The following NCOA2 variants were observed in gnomAD, a reference collection of about 807,000 sequenced individuals.
NCOA2 encodes nuclear receptor coactivator 2.
NCOA2 carries 21 observed loss-of-function variants against 145.1 expected under a neutral mutation model. That is an observed-to-expected ratio of 0.14 (90% confidence interval 0.10 to 0.21). The LOEUF is 0.21. Ranked by LOEUF, NCOA2 falls within the 10% of genes least tolerant of loss-of-function variation. NCOA2 has a pLI of 1.00. For missense variants in NCOA2, 1,472 were observed against 1,837.6 expected (o/e 0.80, Z 3.64); for synonymous variants, 619 against 637.5 (o/e 0.97, Z 0.44).
chr8:70,347,512 T>C (rs544944239), intron 1 of NCOA2, among the ~76,000 whole-genome samples: 2 of 150,148 alleles, frequency 1.3e-5, no homozygotes, highest in South Asian at 4.2e-4. Flanking sequence ...AAAAATGAGC[T>C]GGGCATGGTG....
At chr8:70,151,842 C>G (rs1811789606) in intron 11 of NCOA2, among the ~76,000 whole-genome samples, 1 of 152,100 alleles carries the variant, frequency 6.6e-6, no homozygotes, top group African/African-American at 2.4e-5. Context: ...AGATAAAGTT[C>G]AGAATATCTA....
At chr8:70,406,329 G>A (rs1291722067), upstream of NCOA2, among the ~76,000 whole-genome samples, 1 of 152,016 alleles carries the variant, frequency 6.6e-6, no homozygotes, top group Non-Finnish European at 1.5e-5. Context: ...TGAGACCTCA[G>A]AACAATTGTT....
chr8:70,273,817 A>T, intron 2 of NCOA2: 1 of 570,332 alleles, frequency 1.8e-6, no homozygotes, highest in Non-Finnish European at 3.4e-6. Flanking sequence ...AATTTGGATG[A>T]GGCTTCCAAG....
At chr8:70,427,024 A>G in the NCOA2 span, among the ~76,000 whole-genome samples, 17 of 152,154 alleles carry the variant, frequency 1.1e-4, no homozygotes, top group African/African-American at 3.9e-4. Flanking sequence ...GGCTCAAGTG[A>G]TCCTCCAACC....
rs763605157 is a variant in NCOA2, at chr8:70,138,293, T to G, written c.3068A>C (p.Tyr1023Ser). The change falls in exon 15 of 23, where the codon TAT becomes TCT. Residue 1023 changes from tyrosine to serine, a missense_variant. Tyr to Ser is a moderately radical substitution (Grantham distance 144). Coordinates refer to ENST00000452400, the MANE Select transcript of NCOA2 (RefSeq NM_006540.4). ...ATTTGGAGGAGCTTGTTGTTGGCTA[T>G]ACTGAGGTCCCCCCATGTTCATCTC... ...ELEMNMGGPQ[Y>S]SQQQAPPNQT... 1.2e-6 allele frequency: 2 copies of G among 1,613,432 alleles called. No individual in the cohort carries two copies. The highest frequency in any genetic ancestry group is 1.1e-5 in the South Asian group (1 of 90,934).
intron 1 of NCOA2, among the ~76,000 whole-genome samples, chr8:70,383,497 TTTTTTG>T (rs767899550): frequency 1.2e-4 from 18 of 152,058 alleles, no homozygotes; most frequent in South Asian, 6.2e-4. Context: ...CATCCTAGTT[TTTTTTG>T]TTTTTGTTTT....
At chr8:70,273,317 A>C in intron 2 of NCOA2, 1 of 292,162 alleles carries the variant, frequency 3.4e-6, no homozygotes, top group South Asian at 5.9e-5. Flanking sequence ...GGTTCCCCCG[A>C]GACCCCCTGA....
intron 2 of NCOA2, among the ~76,000 whole-genome samples, chr8:70,250,436 G>A (rs1008653967): frequency 2.0e-5 from 3 of 150,302 alleles, no homozygotes; most frequent in Non-Finnish European, 4.4e-5. Context: ...GCCGAGCGTG[G>A]TGGCACGCCT....
At position 70,403,688 on chromosome 8, in the gene NCOA2, A is replaced by G. The variant is rs2131884549; in HGVS notation, c.-77+12T>C. 1 of 387,714 alleles carries G rather than the reference A, an allele frequency of 2.6e-6. No individual in the cohort carries two copies. The highest frequency in any genetic ancestry group is 3.6e-5 in the East Asian group (1 of 27,432). The allele number at this position is 387,714 out of a possible 1,614,324, so 24.0% of individuals were successfully genotyped here. A position where few individuals can be genotyped will look rare whatever the true frequency, so the allele number is the denominator to read the frequency against. ...CGCCCGCCCTCGCGGCCCCGGGGGA[A>G]GGCGCGGTTACCGGCTCGGGTCGGT... is the stretch of plus-strand genomic sequence containing the variant. On this transcript the variant is annotated intron_variant, in intron 1 of 22. Coordinates refer to ENST00000452400, the MANE Select transcript of NCOA2 (RefSeq NM_006540.4).
intron 7 of NCOA2, among the ~76,000 whole-genome samples, chr8:70,166,124 CTG>C (rs1317573539): frequency 6.6e-6 from 1 of 152,168 alleles, no homozygotes; most frequent in Non-Finnish European, 1.5e-5. Context: ...GCCAGGAAAA[CTG>C]TGCATTTTTC....
At chr8:70,320,761 TG>T (rs1805984009) in intron 1 of NCOA2, among the ~76,000 whole-genome samples, 2 of 152,196 alleles carry the variant, frequency 1.3e-5, no homozygotes, top group Admixed American at 1.3e-4. Flanking sequence ...GGAGGAGTAT[TG>T]ATCTGCTCTT....
chr8:70,285,500 C>G (rs1017212118), intron 2 of NCOA2, among the ~76,000 whole-genome samples: 4 of 152,362 alleles, frequency 2.6e-5, no homozygotes, highest in Admixed American at 1.3e-4. Context: ...CAGGTTGTAG[C>G]CTTCATAGCA....
the NCOA2 span, among the ~76,000 whole-genome samples, chr8:70,417,245 T>TAAAAAAAAAAAAAAAAAAAAAAAAAAAAA: frequency 9.0e-5 from 7 of 77,990 alleles, no homozygotes; most frequent in Middle Eastern, 6.3e-3. Context: ...TCGTCTCTAT[T>TAAAAAAAAAAAAAAAAAAAAAAAAAAAAA]AAAAAAAAAA....
chr8:70,343,671 A>T (rs1808343170), intron 1 of NCOA2, among the ~76,000 whole-genome samples: 1 of 151,970 alleles, frequency 6.6e-6, no homozygotes, highest in Non-Finnish European at 1.5e-5. Flanking sequence ...AAAATTAGCC[A>T]GGCATGGTGG....
At chr8:70,405,992 G>A (rs1020230384), upstream of NCOA2, among the ~76,000 whole-genome samples, 7 of 152,142 alleles carry the variant, frequency 4.6e-5, no homozygotes, top group Admixed American at 4.6e-4. Context: ...ACGCGCTCTG[G>A]TACAATCTCT....
At chr8:70,338,229 CAAAT>C (rs887804682) in intron 1 of NCOA2, among the ~76,000 whole-genome samples, 3 of 151,998 alleles carry the variant, frequency 2.0e-5, no homozygotes, top group African/African-American at 7.2e-5. Flanking sequence ...AGAGAAGAAT[CAAAT>C]AAGCACAATC....
the NCOA2 span, among the ~76,000 whole-genome samples, chr8:70,428,322 T>C: frequency 2.0e-5 from 3 of 151,174 alleles, no homozygotes. Context: ...TAGCAGGGCA[T>C]GATGGCATGC....
At chr8:70,389,019 T>C (rs572095479) in intron 1 of NCOA2, among the ~76,000 whole-genome samples, 89 of 152,304 alleles carry the variant, frequency 5.8e-4, no homozygotes, top group Non-Finnish European at 1.0e-3. Flanking sequence ...GGAGGTGCCT[T>C]TTAAAGGAAT....
Position 70,216,682 on chromosome 8 carries a change from A to G in NCOA2, c.64T>C (p.Cys22Arg). The G allele has an allele frequency of 6.2e-7, 1 of 1,613,052 alleles. No individual in the cohort carries two copies. The highest frequency in any genetic ancestry group is 8.5e-7 in the Non-Finnish European group (1 of 1,179,034). Residue 22 changes from cysteine to arginine, a missense_variant, in exon 3 of 23, where the codon TGT becomes CGT. This residue lies in a region of NCOA2 where 284 missense variants were observed against 467.8 expected (regional missense o/e 0.61). Transcript: ENST00000452400. ...AACCTGGGTCCAAGTTGGTCAGGAC[A>G]TTCCTTGCGCTTTCTTGTCTCTGCC... ...SRAETRKRKECPDQLGPSPKR... is the reference protein window; with the variant it reads ...SRAETRKRKERPDQLGPSPKR...
Sources: allele counts gnomAD v4.1 joint callset (sites outside exome capture counted in the v4.1 genomes callset), GRCh38; gene constraint gnomAD v4.1.1; regional missense constraint gnomAD v4.1.1; transcripts MANE v1.5; gene names NCBI Gene and HGNC (gene_info 2026-07-23, HGNC 2026-07-21).